Variants in PTPRF observed in about 807,000 individuals in gnomAD.
The protein encoded by PTPRF is receptor-type tyrosine-protein phosphatase F.
PTPRF carries 59 observed loss-of-function variants against 201.8 expected under a neutral mutation model. The ratio of observed to expected loss-of-function variants is 0.29; its 90% CI spans 0.24 to 0.36. The LOEUF (loss-of-function observed/expected upper bound fraction) is 0.36. PTPRF is among the 10% of genes least tolerant of loss of function. PTPRF has a pLI of 1.00. For missense variants in PTPRF, 2,132 were observed against 2,690.5 expected, an observed-to-expected ratio of 0.79 and a Z score of 4.59; for synonymous variants, 1,088 against 1,089.7, an observed-to-expected ratio of 1.00 and a Z score of 0.03.
chr1:43,543,636 T>A (rs1238732826), intron 2 of PTPRF, among the ~76,000 whole-genome samples: 1 of 152,216 alleles, frequency 6.6e-6, no homozygotes, highest in Non-Finnish European at 1.5e-5. Flanking sequence ...ACTTTGATTA[T>A]CTCAGTTGAG....
At chr1:43,599,202 A>C (rs1191589301) in intron 13 of PTPRF, among the ~76,000 whole-genome samples, 1 of 152,054 alleles carries the variant, frequency 6.6e-6, no homozygotes, top group Non-Finnish European at 1.5e-5. Context: ...CAGCCTCCCG[A>C]GTAGCTGGGA....
chr1:43,622,303 G>T lies in PTPRF; in HGVS notation c.*300G>T, dbSNP rs1659390309. 2 of 424,584 alleles carry T rather than the reference G, an allele frequency of 4.7e-6. No individual in the cohort carries two copies. Among genetic ancestry groups the T allele is most frequent in the Non-Finnish European group, 8.6e-6 (2 of 233,412 alleles). 26.3% of individuals were successfully genotyped at this position (424,584 alleles called of 1,614,324 possible). On this transcript the variant is annotated 3_prime_UTR_variant, in exon 34 of 34. Coordinates refer to ENST00000359947, the MANE Select transcript of PTPRF (RefSeq NM_002840.5). Reference sequence around the variant, plus strand: ...CGCATTTCTCATGCTTCTTCTCATGGGGTGGGGTTGGGGCAAAGCCTCCTT... The same window carrying T: ...CGCATTTCTCATGCTTCTTCTCATGTGGTGGGGTTGGGGCAAAGCCTCCTT...
intron 8 of PTPRF, among the ~76,000 whole-genome samples, chr1:43,590,438 CTG>C (rs1650359796): frequency 6.6e-6 from 1 of 152,224 alleles, no homozygotes; most frequent in Non-Finnish European, 1.5e-5. Flanking sequence ...TGTTGAATGA[CTG>C]TGGACTCAGG....
Position 43,620,711 on chromosome 1 carries a change from T to TC in PTPRF, c.5365-122dup, listed in dbSNP as rs905966805. On this transcript the variant is annotated intron_variant, in intron 31 of 33. Coordinates refer to ENST00000359947, the MANE Select transcript of PTPRF (RefSeq NM_002840.5). ...GTGGGTATTAGGGTGTGAGCACATC[T>TC]CCCCCTGTGGCCTCGGGTGCAGTGA... 6 of 1,518,136 alleles carry TC rather than the reference T, an allele frequency of 4.0e-6. No individual in the cohort carries two copies. The African/African-American group carries it at 6.9e-5, about 17-fold the overall frequency. 94.0% of individuals were successfully genotyped at this position (1,518,136 alleles called of 1,614,324 possible).
intron 5 of PTPRF, among the ~76,000 whole-genome samples, chr1:43,568,075 C>A (rs1283931674): frequency 6.6e-6 from 1 of 152,054 alleles, no homozygotes; most frequent in Non-Finnish European, 1.5e-5. Flanking sequence ...GCGGGTAGAT[C>A]ACCAGAGGTC....
chr1:43,596,683 G>A (rs1652346858), intron 11 of PTPRF, among the ~76,000 whole-genome samples: 1 of 152,234 alleles, frequency 6.6e-6, no homozygotes, highest in Non-Finnish European at 1.5e-5. Context: ...TGCCAAAAGG[G>A]CCACTGGGGC....
intron 5 of PTPRF, among the ~76,000 whole-genome samples, chr1:43,557,317 G>C (rs1411725721): frequency 1.3e-5 from 2 of 152,196 alleles, no homozygotes; most frequent in Non-Finnish European, 2.9e-5. Context: ...TTTCAGGCCT[G>C]GGGTGAGGAG....
At chr1:43,535,985 C>A (rs896392511) in intron 1 of PTPRF, among the ~76,000 whole-genome samples, 1 of 152,108 alleles carries the variant, frequency 6.6e-6, no homozygotes. Flanking sequence ...GTCCAGGCTG[C>A]TCTTGAACTC....
intron 7 of PTPRF, among the ~76,000 whole-genome samples, chr1:43,580,782 G>A (rs753122432): frequency 9.9e-5 from 15 of 152,238 alleles, no homozygotes; most frequent in African/African-American, 1.9e-4. Context: ...CTGTAGGGTC[G>A]AGAGTGGCAG....
rs1405832871 is a variant in PTPRF at position 43,605,599 on chromosome 1, C to G, written c.3460C>G (p.Pro1154Ala). 1.2e-6 allele frequency: 2 copies of G among 1,614,152 alleles called. No homozygotes were observed. The highest frequency in any genetic ancestry group is 1.7e-6 in the Non-Finnish European group (2 of 1,180,028). The change falls in exon 19 of 34, where the codon CCC becomes GCC. Residue 1154 changes from proline (P) to alanine (A), a missense_variant. Transcript: ENST00000359947. ...GSMLTPRWST[P>A]EELELDELLE... Reference sequence around the variant, plus strand: ...CATGCTGACGCCAAGGTGGAGCACACCCGAGGAACTGGAGCTGGACGAGGT... The same window carrying G: ...CATGCTGACGCCAAGGTGGAGCACAGCCGAGGAACTGGAGCTGGACGAGGT...
Position 43,622,344 on chromosome 1 carries a change from G to C in PTPRF, c.*341G>C. The C allele has an allele frequency of 3.5e-6, 1 of 288,840 alleles. No homozygotes were observed. Among genetic ancestry groups the C allele is most frequent in the Non-Finnish European group, 6.5e-6 (1 of 153,416 alleles). The allele number at this position is 288,840 out of a possible 1,614,324, so 17.9% of individuals were successfully genotyped here. ...AAGCCTCCTTTTTAATACATTAAGT[G>C]GGGTAGACTGAGGGATTTTAGCCTC... On this transcript the variant is annotated 3_prime_UTR_variant, in exon 34 of 34. Transcript: ENST00000359947.
intron 6 of PTPRF, among the ~76,000 whole-genome samples, chr1:43,576,337 G>A (rs1646928343): frequency 6.6e-6 from 1 of 152,150 alleles, no homozygotes; most frequent in Non-Finnish European, 1.5e-5. Context: ...CTCTTTTGGG[G>A]GGACCTCAAT....
chr1:43,603,629 T>C lies in PTPRF; in HGVS notation c.2477T>C (p.Met826Thr). 2 of 1,612,992 alleles carry C rather than the reference T, an allele frequency of 1.2e-6. No homozygotes were observed. The highest frequency in any genetic ancestry group is 1.7e-6 in the Non-Finnish European group (2 of 1,179,606). ...TTGAVPGRPT[M>T]MISTTAMNTA... is the part of the protein sequence containing the mutation. ...CCTTCAGTCCCAGGCCGGCCCACCA[T>C]GATGATCAGCACCACGGCCATGAAC... Residue 826 changes from methionine (M) to threonine (T), a missense_variant, in exon 16 of 34, where the codon ATG becomes ACG. Met to Thr is a moderately conservative substitution (Grantham distance 81). Coordinates refer to ENST00000359947, the MANE Select transcript of PTPRF (RefSeq NM_002840.5). The surrounding 1 kb of genome is among the most constrained non-coding windows in gnomAD (Gnocchi z 5.8).
chr1:43,605,081 C>T, intron 17 of PTPRF, 81 bp downstream of exon 17: 3 of 1,575,962 alleles, frequency 1.9e-6, no homozygotes, highest in Middle Eastern at 3.7e-4. Context: ...AACCCATGTG[C>T]ATCCGGCTGT....
intron 22 of PTPRF, 69 bp downstream of exon 22, chr1:43,609,567 T>A: frequency 8.3e-7 from 1 of 1,206,054 alleles, no homozygotes; most frequent in Non-Finnish European, 1.2e-6. Flanking sequence ...GTTCTGCAGG[T>A]CTCAGGGTCG....
At chr1:43,608,951 T>G (rs1191986399) in intron 21 of PTPRF, among the ~76,000 whole-genome samples, 1 of 152,118 alleles carries the variant, frequency 6.6e-6, no homozygotes, top group Non-Finnish European at 1.5e-5. Flanking sequence ...GCATTTACCC[T>G]GATACTCTGA....
intron 31 of PTPRF, 69 bp from the exon 32 acceptor site, chr1:43,620,769 T>C: frequency 1.3e-6 from 2 of 1,564,856 alleles, no homozygotes; most frequent in Non-Finnish European, 1.7e-6. Context: ...GGTACTACCC[T>C]GGTCTAGTCC....
At chr1:43,621,041 G>A (rs1421456465) in intron 32 of PTPRF, 49 bp downstream of exon 32, 1 of 1,610,478 alleles carries the variant, frequency 6.2e-7, no homozygotes, top group Non-Finnish European at 8.5e-7. Flanking sequence ...TGAAGGCCTG[G>A]CAGACCCACT....
chr1:43,606,479 C>CT (rs1329997518), intron 20 of PTPRF, 21 bp downstream of exon 20: 2 of 1,597,038 alleles, frequency 1.3e-6, no homozygotes, highest in East Asian at 4.5e-5. Flanking sequence ...GCCGGCTTGG[C>CT]TGTCAGCACC....
Sources: gnomAD v4.1 joint callset for allele counts (sites outside exome capture counted in the v4.1 genomes callset) on GRCh38, gnomAD v4.1.1 for gene constraint, Gnocchi (gnomAD v3.1) non-coding constraint, MANE v1.5 for transcripts, NCBI Gene and HGNC (gene_info 2026-07-23, HGNC 2026-07-21) for gene names.